Variants in PLCB1 observed in about 807,000 individuals in gnomAD.
The protein encoded by PLCB1 is phospholipase C beta 1.
Under a neutral mutation model 161.8 loss-of-function variants are expected in PLCB1, and 46 were observed. The ratio of observed to expected loss-of-function variants is 0.28; its 90% confidence interval spans 0.22 to 0.36. The LOEUF (loss-of-function observed/expected upper bound fraction) is 0.36, where lower values mean the gene tolerates loss of function less well. Among genes scored for constraint, PLCB1 ranks in the 10% least tolerant of loss-of-function variants. The probability of loss-of-function intolerance (pLI) is 1.00; values close to 1 mark genes in which losing one functional copy is unlikely to be tolerated. For synonymous variants in PLCB1, 517 were observed against 503.7 expected (o/e 1.03, Z -0.35); for missense variants, 1,016 against 1,472.5 (o/e 0.69, Z 5.07).
chr20:8,757,292 T>C, intron 24 of PLCB1, 114 bp downstream of exon 24: 1 of 1,132,648 alleles, frequency 8.8e-7, no homozygotes, highest in South Asian at 2.1e-5. Flanking sequence ...GAAAGATGTG[T>C]GGACTTAGGA....
chr20:8,777,470 G>A (rs887721048), intron 27 of PLCB1, among the ~76,000 whole-genome samples: 2 of 152,036 alleles, frequency 1.3e-5, no homozygotes, highest in African/African-American at 4.8e-5. Context: ...TGTGATCCCA[G>A]TACTTTGGGA....
chr20:8,365,169 C>A (rs1250298219), intron 2 of PLCB1, among the ~76,000 whole-genome samples: 1 of 152,168 alleles, frequency 6.6e-6, no homozygotes, highest in African/African-American at 2.4e-5. Context: ...GGCATCTGCA[C>A]CTGTGTTTGA....
chr20:8,312,283 C>G (rs149939960), intron 2 of PLCB1, among the ~76,000 whole-genome samples: 6 of 152,206 alleles, frequency 3.9e-5, no homozygotes, highest in Admixed American at 3.9e-4. Flanking sequence ...TCTTCTACCC[C>G]GCAAAAGCCT....
intron 3 of PLCB1, among the ~76,000 whole-genome samples, chr20:8,479,454 A>T (rs1347927903): frequency 6.6e-6 from 1 of 152,214 alleles, no homozygotes; most frequent in East Asian, 1.9e-4. Context: ...TATGTCTATT[A>T]ACTGACAATG....
intron 2 of PLCB1, among the ~76,000 whole-genome samples, chr20:8,221,633 C>A (rs1432125010): frequency 6.6e-6 from 1 of 152,144 alleles, no homozygotes; most frequent in Middle Eastern, 3.2e-3. Flanking sequence ...ACTGTCCTCT[C>A]TGAGCTCAGG....
At chr20:8,492,893 A>G (rs557991065) in intron 3 of PLCB1, among the ~76,000 whole-genome samples, 1 of 149,232 alleles carries the variant, frequency 6.7e-6, no homozygotes, top group African/African-American at 2.5e-5. Context: ...ATGTATGTTC[A>G]TTTTTTTCTG....
chr20:8,380,704 CA>C (rs1987228822), intron 3 of PLCB1, among the ~76,000 whole-genome samples: 1 of 152,068 alleles, frequency 6.6e-6, no homozygotes, highest in East Asian at 1.9e-4. Context: ...CTCTTTGTAG[CA>C]GTTGTGAATG....
chr20:8,744,237 T>C (rs1981032509), intron 23 of PLCB1, among the ~76,000 whole-genome samples: 1 of 152,092 alleles, frequency 6.6e-6, no homozygotes, highest in African/African-American at 2.4e-5. Context: ...GAAATAGAGG[T>C]TAAACAAAAG....
At chr20:8,273,245 C>A (rs1341407450) in intron 2 of PLCB1, among the ~76,000 whole-genome samples, 1 of 152,068 alleles carries the variant, frequency 6.6e-6, no homozygotes, top group African/African-American at 2.4e-5. Flanking sequence ...TTCAGCCTAC[C>A]AAATCTTGCA....
intron 9 of PLCB1, among the ~76,000 whole-genome samples, chr20:8,671,076 G>A (rs1215557894): frequency 6.6e-6 from 1 of 152,190 alleles, no homozygotes; most frequent in Non-Finnish European, 1.5e-5. Context: ...AAACATCTGA[G>A]TGCCAGATCC....
intron 23 of PLCB1, among the ~76,000 whole-genome samples, chr20:8,742,465 A>G (rs745934022): frequency 6.6e-5 from 10 of 152,168 alleles, no homozygotes; most frequent in Non-Finnish European, 1.3e-4. Context: ...TTTCGAAAGC[A>G]TCCTCGATTT....
chr20:8,852,109 G>T (rs1395619472), intron 31 of PLCB1, among the ~76,000 whole-genome samples: 1 of 152,176 alleles, frequency 6.6e-6, no homozygotes, highest in Non-Finnish European at 1.5e-5. Context: ...TGCTGTCTCA[G>T]TTCATTCCTG....
At chr20:8,734,469 G>A (rs1980477410) in intron 19 of PLCB1, among the ~76,000 whole-genome samples, 1 of 151,646 alleles carries the variant, frequency 6.6e-6, no homozygotes, top group Admixed American at 6.6e-5. Context: ...AGAGTATTCA[G>A]AGATTTTAAA....
chr20:8,850,205 G>GA (rs1436878288), intron 31 of PLCB1, among the ~76,000 whole-genome samples: 1 of 152,190 alleles, frequency 6.6e-6, no homozygotes, highest in East Asian at 1.9e-4. Context: ...GTCATAGCCA[G>GA]AGCAGACACT....
At chr20:8,417,054 C>CATATATAT (rs1568667963) in intron 3 of PLCB1, among the ~76,000 whole-genome samples, 5 of 38,022 alleles carry the variant, frequency 1.3e-4, no homozygotes, top group Non-Finnish European at 2.5e-4. Flanking sequence ...CACACACACA[C>CATATATAT]ATATATATAT....
Position 8,649,364 on chromosome 20 carries a change from C to T in PLCB1, c.519-10C>T, listed in dbSNP as rs2123294964. 6.2e-7 allele frequency: 1 copy of T among 1,607,948 alleles called. No homozygotes were observed. Among genetic ancestry groups the T allele is most frequent in the Non-Finnish European group, 8.5e-7 (1 of 1,174,578 alleles). ...TTAAACCTCTCTCCTTTGTTGTGTT[C>T]ACTTCACAGCATATATCGCTTGTTT... is the stretch of plus-strand genomic sequence containing the variant. On this transcript the variant is annotated splice_polypyrimidine_tract_variant and intron_variant, in intron 6 of 31. Coordinates refer to ENST00000338037, the MANE Select transcript of PLCB1 (RefSeq NM_015192.4).
intron 11 of PLCB1, among the ~76,000 whole-genome samples, chr20:8,698,435 T>C (rs1485884335): frequency 6.6e-6 from 1 of 152,238 alleles, no homozygotes; most frequent in Admixed American, 6.5e-5. Flanking sequence ...TCATTAATAT[T>C]GTTTCAGATA....
intron 1 of PLCB1, among the ~76,000 whole-genome samples, chr20:8,147,767 A>G (rs1004522041): frequency 1.1e-4 from 16 of 152,170 alleles, no homozygotes; most frequent in Admixed American, 9.2e-4. Context: ...ACATTGAACA[A>G]AGAAGGGTTA....
rs1375835262 is a variant in PLCB1 at position 8,206,487 on chromosome 20, C to T, written c.177+56116C>T. On this transcript the variant is annotated intron_variant, in intron 2 of 31. Coordinates refer to ENST00000338037, the MANE Select transcript of PLCB1 (RefSeq NM_015192.4). Reference sequence around the variant, plus strand: ...TGCTACCTTTTTGAAGGAAATATGCCCTCACTCTGACTTGGAAATTAATAG... The same window carrying T: ...TGCTACCTTTTTGAAGGAAATATGCTCTCACTCTGACTTGGAAATTAATAG... 2.6e-5 allele frequency among the ~76,000 whole-genome samples: 4 copies of T among 151,994 alleles called. No individual in the cohort carries two copies. The East Asian group carries it at 7.7e-4, about 29-fold the overall frequency.
Sources: gnomAD v4.1 joint callset for allele counts (sites outside exome capture counted in the v4.1 genomes callset) on GRCh38, gnomAD v4.1.1 for gene constraint, MANE v1.5 for transcripts, NCBI Gene and HGNC (gene_info 2026-07-23, HGNC 2026-07-21) for gene names.